Variants in NCOR1 observed in about 807,000 individuals in gnomAD.
NCOR1 encodes the protein protein phosphatase 1, regulatory subunit 109.
In NCOR1, 63 loss-of-function variants were observed where a neutral mutation model predicts 288.1. The observed-to-expected ratio is 0.22, with a 90% confidence interval of 0.18 to 0.27. The LOEUF (loss-of-function observed/expected upper bound fraction) is 0.27. Among genes scored for constraint, NCOR1 ranks in the 10% least tolerant of loss-of-function variants. The probability of loss-of-function intolerance (pLI) is 1.00; values close to 1 mark genes in which losing one functional copy is unlikely to be tolerated. For missense variants in NCOR1, 2,397 were observed against 3,019.2 expected, an observed-to-expected ratio of 0.79 and a Z score of 4.83; for synonymous variants, 1,007 against 1,065.9, an observed-to-expected ratio of 0.94 and a Z score of 1.08.
At chr17:16,047,696 A>T (rs1023500399) in intron 41 of NCOR1, among the ~76,000 whole-genome samples, 16 of 26,734 alleles carry the variant, frequency 6.0e-4, no homozygotes, top group African/African-American at 5.0e-3. Flanking sequence ...AACACATTTA[A>T]AAAAAAACAA....
chr17:16,152,579 G>A (rs1225551566), intron 7 of NCOR1, among the ~76,000 whole-genome samples: 1 of 152,160 alleles, frequency 6.6e-6, no homozygotes, highest in African/African-American at 2.4e-5. Flanking sequence ...TTGGTTCCCA[G>A]TCTTTGCTAT....
intron 37 of NCOR1, among the ~76,000 whole-genome samples, chr17:16,060,777 C>T (rs1487739735): frequency 6.6e-6 from 1 of 152,040 alleles, no homozygotes; most frequent in Non-Finnish European, 1.5e-5. Flanking sequence ...TATTTAAATA[C>T]TTGCTTGTTC....
chr17:16,102,626 C>G (rs1316759784), intron 19 of NCOR1, among the ~76,000 whole-genome samples: 1 of 148,118 alleles, frequency 6.8e-6, no homozygotes, highest in Non-Finnish European at 1.5e-5. Context: ...CAGAGTCTCG[C>G]TCTGTCACCC....
At chr17:16,130,310 C>T (rs925208232) in intron 14 of NCOR1, among the ~76,000 whole-genome samples, 3 of 152,164 alleles carry the variant, frequency 2.0e-5, no homozygotes, top group African/African-American at 7.2e-5. Context: ...TTGTTTCAGG[C>T]AAATCTGTAA....
At chr17:16,053,077 C>G (rs1318617063) in intron 40 of NCOR1, among the ~76,000 whole-genome samples, 3 of 152,190 alleles carry the variant, frequency 2.0e-5, no homozygotes, top group Non-Finnish European at 4.4e-5. Flanking sequence ...TGAAAACCCA[C>G]AGCCAACATC....
rs773623640 is a variant in NCOR1 at position 16,133,925 on chromosome 17, G to A, written c.1509+3386C>T. 1.8e-4 allele frequency among the ~76,000 whole-genome samples: 28 copies of A among 152,118 alleles called. 1 individual carries two copies. Among genetic ancestry groups the A allele is most frequent in the Admixed American group, 9.2e-4 (14 of 15,270 alleles). ...CAAAAGTACATCCAGAAACTAATCC[G>A]TTCTCCCCGCCTCCTCACTGTAGCC... On this transcript the variant is annotated intron_variant, in intron 14 of 45. Transcript: ENST00000268712.
At chr17:16,151,444 C>A in intron 8 of NCOR1, 3 of 525,834 alleles carry the variant, frequency 5.7e-6, no homozygotes, top group South Asian at 1.9e-5. Flanking sequence ...CCGTCATTAG[C>A]AAGAGTCATG....
chr17:16,172,063 C>A, intron 3 of NCOR1, 68 bp from the exon 4 acceptor site: 1 of 1,264,294 alleles, frequency 7.9e-7, no homozygotes, highest in East Asian at 2.5e-5. Flanking sequence ...GGTAACATCC[C>A]TGGTTAGACT....
At chr17:16,211,331 GC>G (rs2092111017) in intron 1 of NCOR1, among the ~76,000 whole-genome samples, 1 of 151,646 alleles carries the variant, frequency 6.6e-6, no homozygotes, top group Non-Finnish European at 1.5e-5. Flanking sequence ...CATGATCATG[GC>G]TCACTGCAAC....
chr17:16,110,260 C>T (rs1407308982), intron 18 of NCOR1, among the ~76,000 whole-genome samples: 3 of 151,884 alleles, frequency 2.0e-5, no homozygotes, highest in East Asian at 1.9e-4. Flanking sequence ...GTAGACTGAG[C>T]CAGGGAGATC....
intron 4 of NCOR1, among the ~76,000 whole-genome samples, chr17:16,171,062 T>C (rs1050577550): frequency 1.1e-4 from 17 of 152,046 alleles, no homozygotes; most frequent in Admixed American, 5.2e-4. Flanking sequence ...TATTTAAAAA[T>C]TGCTACGAGT....
intron 22 of NCOR1, among the ~76,000 whole-genome samples, chr17:16,088,373 T>C (rs948726756): frequency 2.6e-5 from 4 of 152,162 alleles, no homozygotes; most frequent in East Asian, 1.9e-4. Context: ...ATCTCTTTTA[T>C]ATATATGAGT....
intron 7 of NCOR1, 50 bp from the exon 8 acceptor site, chr17:16,152,048 T>C (rs370070158): frequency 3.6e-4 from 443 of 1,245,084 alleles, no homozygotes; most frequent in Middle Eastern, 1.3e-3. Flanking sequence ...CATATGTCTA[T>C]GAAGAGACAA....
intron 21 of NCOR1, among the ~76,000 whole-genome samples, chr17:16,097,036 T>C (rs1280160622): frequency 1.3e-5 from 2 of 152,238 alleles, no homozygotes; most frequent in African/African-American, 2.4e-5. Context: ...TGACAAATAC[T>C]GTATGATTTC....
chr17:16,213,202 T>C (rs1020145353), intron 1 of NCOR1, among the ~76,000 whole-genome samples: 1 of 151,940 alleles, frequency 6.6e-6, no homozygotes, highest in African/African-American at 2.4e-5. Flanking sequence ...AAGTATTCAA[T>C]TAAAAATAAG....
intron 1 of NCOR1, among the ~76,000 whole-genome samples, chr17:16,209,368 C>T (rs2091899998): frequency 6.6e-6 from 1 of 151,870 alleles, no homozygotes; most frequent in African/African-American, 2.4e-5. Context: ...AGAAATATGC[C>T]ATGCTTCAGT....
chr17:16,211,649 T>G (rs188109721), intron 1 of NCOR1, among the ~76,000 whole-genome samples: 33 of 152,180 alleles, frequency 2.2e-4, no homozygotes, highest in Admixed American at 9.2e-4. Context: ...ACATTCGCAG[T>G]GTTTCATACA....
intron 43 of NCOR1, 199 bp from the exon 44 acceptor site, chr17:16,039,853 C>T (rs556151801): frequency 2.1e-4 from 112 of 526,022 alleles, no homozygotes; most frequent in Middle Eastern, 1.6e-3. Context: ...TGCAGTGGCG[C>T]GATCTTGGCT....
At chr17:16,176,637 T>C (rs2084258980) in intron 3 of NCOR1, among the ~76,000 whole-genome samples, 1 of 152,110 alleles carries the variant, frequency 6.6e-6, no homozygotes. Context: ...GTTGTTTTTA[T>C]TGTTAAACTG....
Sources: allele counts gnomAD v4.1 joint callset (sites outside exome capture counted in the v4.1 genomes callset), GRCh38; gene constraint gnomAD v4.1.1; transcripts MANE v1.5; gene names NCBI Gene and HGNC (gene_info 2026-07-23, HGNC 2026-07-21).